KIF13A: variants seen among roughly 807,000 people sequenced by gnomAD.
KIF13A encodes the protein kinesin family member 13A.
A neutral mutation model predicts 212.2 loss-of-function variants in KIF13A; 79 were observed. That is an observed-to-expected ratio of 0.37 (90% CI 0.31 to 0.45). The LOEUF is 0.45. KIF13A is among the 20% of genes least tolerant of loss of function. The probability of loss-of-function intolerance (pLI) is 1.00; values close to 1 mark genes in which losing one functional copy is unlikely to be tolerated. For synonymous variants in KIF13A, 789 were observed against 808.6 expected, an observed-to-expected ratio of 0.98 and a Z score of 0.41; for missense variants, 1,901 against 2,209.0, an observed-to-expected ratio of 0.86 and a Z score of 2.79.
At chr6:17,891,225 C>T (rs1473833962) in intron 3 of KIF13A, among the ~76,000 whole-genome samples, 1 of 152,182 alleles carries the variant, frequency 6.6e-6, no homozygotes, top group Non-Finnish European at 1.5e-5. Flanking sequence ...AAAAGGTATG[C>T]ATGAGGCTTA....
Position 17,898,082 on chromosome 6 carries a change from A to G in KIF13A, c.159+86T>C. On this transcript the variant is annotated intron_variant, in intron 3 of 38. Transcript: ENST00000259711. The surrounding 1 kb of genome is among the most constrained non-coding windows in gnomAD (Gnocchi z 5.2). ...TGCTGTTTTCAGTTCTCAATGAGAC[A>G]GATGTTCTACATGGGTTACAGTGAT... 8.0e-7 allele frequency: 1 copy of G among 1,246,804 alleles called. No individual in the cohort carries two copies. The highest frequency in any genetic ancestry group is 1.2e-6 in the Non-Finnish European group (1 of 867,376). The allele number at this position is 1,246,804 out of a possible 1,614,324, so 77.2% of individuals were successfully genotyped here.
chr6:17,829,349 A>G lies in KIF13A; in HGVS notation c.1402-979T>C, dbSNP rs891908876. On this transcript the variant is annotated intron_variant, in intron 13 of 38. Transcript: ENST00000259711. This position sits in a 1 kb window ranked among gnomAD's most constrained non-coding sequence, Gnocchi z 5.4. ...CCACCAATACATGCGTGATAAAATG[A>G]GAGAGCAGAGCCAAACAACATGTTC... Among the ~76,000 whole-genome samples, 3 of 152,238 alleles carry G rather than the reference A, an allele frequency of 2.0e-5. No individual in the cohort carries two copies. Among genetic ancestry groups the G allele is most frequent in the Non-Finnish European group, 4.4e-5 (3 of 68,038 alleles).
chr6:17,854,846 C>A (rs1463134382), intron 6 of KIF13A, among the ~76,000 whole-genome samples: 2 of 152,012 alleles, frequency 1.3e-5, no homozygotes, highest in African/African-American at 4.8e-5. Context: ...AGTCACTGTA[C>A]CCGGCCCCAA....
Position 17,898,056 on chromosome 6 carries a change from A to C in KIF13A, c.159+112T>G, listed in dbSNP as rs1772721622. On this transcript the variant is annotated intron_variant, in intron 3 of 38. Coordinates refer to ENST00000259711, the MANE Select transcript of KIF13A (RefSeq NM_022113.6). The surrounding 1 kb of genome is among the most constrained non-coding windows in gnomAD (Gnocchi z 5.2). ...TTCATGATGTGAGTTTTAAATTAGG[A>C]TGCTGTTTTCAGTTCTCAATGAGAC... The C allele has an allele frequency of 2.2e-6, 2 of 920,504 alleles. No homozygotes were observed. The highest frequency in any genetic ancestry group is 5.1e-5 in the Admixed American group (2 of 38,930). 57.0% of individuals were successfully genotyped at this position (920,504 alleles called of 1,614,324 possible).
In KIF13A at chr6:17,926,994, C is replaced by T. The variant is rs1775551067; in HGVS notation, c.147-28814G>A. Among the ~76,000 whole-genome samples the T allele has an allele frequency of 6.6e-6, 1 of 151,888 alleles. No homozygotes were observed. Among genetic ancestry groups the T allele is most frequent in the Non-Finnish European group, 1.5e-5 (1 of 67,974 alleles). On this transcript the variant is annotated intron_variant, in intron 2 of 38. Coordinates refer to ENST00000259711, the MANE Select transcript of KIF13A (RefSeq NM_022113.6). The surrounding 1 kb of genome is among the most constrained non-coding windows in gnomAD (Gnocchi z 4.3). ...CTCTACTAAAAATACAAAAATTAGC[C>T]AGGTGTGGTGGTGCATGTGACTGCA...
At chr6:17,765,954 C>A (rs1758914052) in intron 38 of KIF13A, among the ~76,000 whole-genome samples, 1 of 152,208 alleles carries the variant, frequency 6.6e-6, no homozygotes, top group South Asian at 2.1e-4. Context: ...CAATGGTGAG[C>A]ACAAGAAGGC....
chr6:17,898,253 G>A lies in KIF13A; in HGVS notation c.147-73C>T. The A allele has an allele frequency of 7.1e-7, 1 of 1,407,176 alleles. No homozygotes were observed. The highest frequency in any genetic ancestry group is 1.8e-5 in the Admixed American group (1 of 54,358). The allele number at this position is 1,407,176 out of a possible 1,614,324, so 87.2% of individuals were successfully genotyped here. A position where few individuals can be genotyped will look rare whatever the true frequency, so the allele number is the denominator to read the frequency against. ...GTCAACACAGCAGCCACATCAGAGG[G>A]AAACAATGAAAGAGAAAAAAATAAG... On this transcript the variant is annotated intron_variant, in intron 2 of 38. Transcript: ENST00000259711. The surrounding 1 kb of genome is among the most constrained non-coding windows in gnomAD (Gnocchi z 5.2).
At position 17,787,962 on chromosome 6, in the gene KIF13A, C is replaced by T; in HGVS notation, c.3262-87G>A. The T allele has an allele frequency of 1.2e-6, 1 of 805,016 alleles. No individual in the cohort carries two copies. Among genetic ancestry groups the T allele is most frequent in the Non-Finnish European group, 2.1e-6 (1 of 475,880 alleles). 49.9% of individuals were successfully genotyped at this position (805,016 alleles called of 1,614,324 possible). ...TTTTTTTAAAAGATGTTTAAATCAA[C>T]TAGGAAATTTTTCATTAGGAAAAGC... On this transcript the variant is annotated intron_variant, in intron 26 of 38. Transcript: ENST00000259711. This position sits in a 1 kb window ranked among gnomAD's most constrained non-coding sequence, Gnocchi z 4.6.
rs1777804196 is a variant in KIF13A, at chr6:17,951,085, ATAT to A, written c.146+35966_146+35968del. The A allele has an allele frequency of 9.1e-7, 1 of 1,104,880 alleles. No individual in the cohort carries two copies. The highest frequency in any genetic ancestry group is 1.1e-6 in the Non-Finnish European group (1 of 909,124). The allele number at this position is 1,104,880 out of a possible 1,614,324, so 68.4% of individuals were successfully genotyped here. A position where few individuals can be genotyped will look rare whatever the true frequency, so the allele number is the denominator to read the frequency against. On this transcript the variant is annotated intron_variant, in intron 2 of 38. Transcript: ENST00000259711. The surrounding 1 kb of genome is among the most constrained non-coding windows in gnomAD (Gnocchi z 4.9). ...GGACACCTAAGGAATTGTACTTATT[ATAT>A]ATAACACTTTGCCAACCATCCATTT...
intron 2 of KIF13A, among the ~76,000 whole-genome samples, chr6:17,907,645 C>A (rs1285473276): frequency 2.6e-5 from 4 of 151,640 alleles, no homozygotes; most frequent in Admixed American, 6.6e-5. Context: ...CTGAGGGCCA[C>A]TGAAGAGGGG....
At position 17,783,750 on chromosome 6, in the gene KIF13A, CTT is replaced by C; in HGVS notation, c.3489-51_3489-50del. Reference sequence around the variant, plus strand: ...TCATAACAAAATATGTATTTTACATCTTGTTAGCTGATAAAACACCACAGAGC... The same window carrying C: ...TCATAACAAAATATGTATTTTACATCGTTAGCTGATAAAACACCACAGAGC... On this transcript the variant is annotated intron_variant, in intron 28 of 38. Transcript: ENST00000259711. The surrounding 1 kb of genome is among the most constrained non-coding windows in gnomAD (Gnocchi z 4.3). The C allele has an allele frequency of 8.1e-7, 1 of 1,229,142 alleles. No homozygotes were observed. The highest frequency in any genetic ancestry group is 1.2e-6 in the Non-Finnish European group (1 of 853,892). 76.1% of individuals were successfully genotyped at this position (1,229,142 alleles called of 1,614,324 possible). A position where few individuals can be genotyped will look rare whatever the true frequency, so the allele number is the denominator to read the frequency against.
At position 17,800,223 on chromosome 6, in the gene KIF13A, C is replaced by T. The variant is rs1263922902; in HGVS notation, c.2455-110G>A. On this transcript the variant is annotated intron_variant, in intron 20 of 38. Coordinates refer to ENST00000259711, the MANE Select transcript of KIF13A (RefSeq NM_022113.6). ...AACCTGGAGAGGGGCTCTGCAGCTG[C>T]TGCTTGGTCGTCTTCGGCAACGGGA... 4 of 1,053,862 alleles carry T rather than the reference C, an allele frequency of 3.8e-6. No individual in the cohort carries two copies. In the African/African-American group the frequency reaches 4.8e-5, roughly 13 times the overall value. The allele number at this position is 1,053,862 out of a possible 1,614,324, so 65.3% of individuals were successfully genotyped here.
rs1350265780 is a variant in KIF13A, at chr6:17,984,241, T to C, written c.146+2813A>G. Among the ~76,000 whole-genome samples, 2 of 152,208 alleles carry C rather than the reference T, an allele frequency of 1.3e-5. No homozygotes were observed. Among genetic ancestry groups the C allele is most frequent in the South Asian group, 2.1e-4 (1 of 4,836 alleles). ...ACTACTTTTTCCTCTCTCTCCTCCT[T>C]CTCTCCAAGGTGAGTGACTCTGGTG... On this transcript the variant is annotated intron_variant, in intron 2 of 38. Coordinates refer to ENST00000259711, the MANE Select transcript of KIF13A (RefSeq NM_022113.6). This position sits in a 1 kb window ranked among gnomAD's most constrained non-coding sequence, Gnocchi z 5.0.
rs139002163 is a variant in KIF13A, at chr6:17,963,287, G to A, written c.146+23767C>T. On this transcript the variant is annotated intron_variant, in intron 2 of 38. Coordinates refer to ENST00000259711, the MANE Select transcript of KIF13A (RefSeq NM_022113.6). This position sits in a 1 kb window ranked among gnomAD's most constrained non-coding sequence, Gnocchi z 4.1. ...ACAAAAATTAGCTGGGCATGGTGGC[G>A]GGCGCCTGTAGTCCCAGCTACTCGG... Among the ~76,000 whole-genome samples, 1,044 of 152,152 alleles carry A rather than the reference G, an allele frequency of 6.9e-3. 9 individuals are homozygous for A. The highest frequency in any genetic ancestry group is 0.024 in the African/African-American group (985 of 41,524).
At chr6:17,801,495 C>G (rs184665579) in intron 20 of KIF13A, among the ~76,000 whole-genome samples, 8 of 152,058 alleles carry the variant, frequency 5.3e-5, no homozygotes, top group African/African-American at 1.9e-4. Context: ...GAGTGAGACT[C>G]GGTCTCAAAC....
rs1277086748 is a variant in KIF13A at position 17,967,002 on chromosome 6, A to G, written c.146+20052T>C. Among the ~76,000 whole-genome samples, 1 of 152,220 alleles carries G rather than the reference A, an allele frequency of 6.6e-6. No homozygotes were observed. Among genetic ancestry groups the G allele is most frequent in the African/African-American group, 2.4e-5 (1 of 41,466 alleles). ...TAATACTGCTTCCTTAATTAGGGAAAGAAAATACCAAATATTCCAGCAGTA... is the reference window on the plus strand; with the variant it reads ...TAATACTGCTTCCTTAATTAGGGAAGGAAAATACCAAATATTCCAGCAGTA... On this transcript the variant is annotated intron_variant, in intron 2 of 38. Transcript: ENST00000259711. The surrounding 1 kb of genome is among the most constrained non-coding windows in gnomAD (Gnocchi z 4.1).
Position 17,781,266 on chromosome 6 carries a change from G to A in KIF13A, c.3580C>T (p.Pro1194Ser). ...DLSANEQLVG[P>S]HASGVNSILP... ...ATGGAGTTCACGCCGGATGCATGGG[G>A]GCCAACAAGCTGCTCATTGGCACTG... The change falls in exon 30 of 39, where the codon CCC (proline) becomes TCC (serine). Residue 1194 changes from proline to serine, a missense_variant. Transcript: ENST00000259711. 1 of 1,613,070 alleles carries A rather than the reference G, an allele frequency of 6.2e-7. No homozygotes were observed. Among genetic ancestry groups the A allele is most frequent in the East Asian group, 2.2e-5 (1 of 44,876 alleles).
rs1003850940 is a variant in KIF13A at position 17,872,343 on chromosome 6, A to C, written c.220+1034T>G. Among the ~76,000 whole-genome samples the C allele has an allele frequency of 4.6e-5, 7 of 152,220 alleles. No homozygotes were observed. Among genetic ancestry groups the C allele is most frequent in the Non-Finnish European group, 1.0e-4 (7 of 68,040 alleles). On this transcript the variant is annotated intron_variant, in intron 4 of 38. Coordinates refer to ENST00000259711, the MANE Select transcript of KIF13A (RefSeq NM_022113.6). This position sits in a 1 kb window ranked among gnomAD's most constrained non-coding sequence, Gnocchi z 4.7. The stretch of plus-strand genomic sequence containing the variant: ...TCATTTTTTTGTTTTTAACTAACTG[A>C]GAATGTCATTCAGCTGATGCTCTTA...
intron 18 of KIF13A, among the ~76,000 whole-genome samples, chr6:17,807,362 G>A (rs191590573): frequency 6.6e-6 from 1 of 152,132 alleles, no homozygotes; most frequent in Admixed American, 6.6e-5. Context: ...TGCATTGTGG[G>A]GGGAGGTCTA....
Sources: gnomAD v4.1 joint callset for allele counts (sites outside exome capture counted in the v4.1 genomes callset) on GRCh38, gnomAD v4.1.1 for gene constraint, Gnocchi (gnomAD v3.1) non-coding constraint, MANE v1.5 for transcripts, NCBI Gene and HGNC (gene_info 2026-07-23, HGNC 2026-07-21) for gene names.